MAP3K15: variants seen among roughly 807,000 people sequenced by gnomAD.
The protein encoded by MAP3K15 is MAPK/ERK kinase kinase 15.
In MAP3K15, 124 loss-of-function variants were observed where a neutral mutation model predicts 99.5. That is an observed-to-expected ratio of 1.25 (90% confidence interval 1.08 to 1.45). The LOEUF (loss-of-function observed/expected upper bound fraction) is 1.45, where lower values mean the gene tolerates loss of function less well. Ranked by LOEUF, MAP3K15 falls within the 40% of genes most tolerant of loss-of-function variation. MAP3K15 has a pLI of 0.00. For missense variants in MAP3K15, 1,242 were observed against 1,079.7 expected (o/e 1.15, Z -2.11); for synonymous variants, 494 against 439.6 (o/e 1.12, Z -1.55).
At chrX:19,466,093 A>G (rs1475990884) in intron 3 of MAP3K15, among the ~76,000 whole-genome samples, 1 of 110,738 alleles carries the variant, frequency 9.0e-6, no homozygotes, top group Non-Finnish European at 1.9e-5. Context: ...GGTTGGGATT[A>G]CAGGTGTGAG....
chrX:19,421,149 T>C (rs1261135995), intron 9 of MAP3K15, among the ~76,000 whole-genome samples: 1 of 110,407 alleles, frequency 9.1e-6, no homozygotes, highest in Non-Finnish European at 1.9e-5. Flanking sequence ...CTCTCACCGC[T>C]CCTATTCAAC....
Position 19,398,236 on chromosome X carries a change from T to C in MAP3K15, c.2056A>G (p.Arg686Gly). The change falls in exon 15 of 29, where the codon AGA becomes GGA. Residue 686 changes from arginine (R) to glycine (G), a missense_variant. Arg to Gly is a moderately radical substitution (Grantham distance 125). Transcript: ENST00000338883. Reference sequence around the variant, plus strand: ...CCCGCCTGGACTTGCCTGCTATCTCTCTCCGGGATTTCTTTGATGGCTATT... The same window carrying C: ...CCCGCCTGGACTTGCCTGCTATCTCCCTCCGGGATTTCTTTGATGGCTATT... ...VRIAIKEIPE[R>G]DSRYSQPLHE... is the part of the protein sequence containing the mutation. 1 of 1,211,006 alleles carries C rather than the reference T, an allele frequency of 8.3e-7. No homozygotes were observed. The highest frequency in any genetic ancestry group is 1.1e-6 in the Non-Finnish European group (1 of 895,321).
rs375809793 is a variant in MAP3K15, at chrX:19,399,333, C to T, written c.1933-974G>A. Among the ~76,000 whole-genome samples the T allele has an allele frequency of 1.4e-4, 15 of 111,079 alleles. No homozygotes were observed. In the East Asian group the frequency reaches 4.0e-3, roughly 30 times the overall value. ...ATCCCAGCACTTTGGGAGGCCGAGGCGAGTAGACCACCTGAGGTCAGGAAT... is the reference window on the plus strand; with the variant it reads ...ATCCCAGCACTTTGGGAGGCCGAGGTGAGTAGACCACCTGAGGTCAGGAAT... On this transcript the variant is annotated intron_variant, in intron 14 of 28. Coordinates refer to ENST00000338883, the MANE Select transcript of MAP3K15 (RefSeq NM_001001671.4).
intron 1 of MAP3K15, among the ~76,000 whole-genome samples, chrX:19,514,431 G>C (rs1172155081): frequency 2.1e-5 from 2 of 93,587 alleles, no homozygotes; most frequent in African/African-American, 8.1e-5. Flanking sequence ...GAGTCTAAAT[G>C]CCCGTGGCCT....
chrX:19,369,328 G>C, intron 24 of MAP3K15, 109 bp from the exon 25 acceptor site: 2 of 865,248 alleles, frequency 2.3e-6, no homozygotes, highest in Middle Eastern at 5.7e-4. Flanking sequence ...GGCCCAGCCC[G>C]TGCCATGCTC....
At chrX:19,437,538 G>A (rs2063930391) in intron 6 of MAP3K15, among the ~76,000 whole-genome samples, 1 of 111,530 alleles carries the variant, frequency 9.0e-6, no homozygotes. Flanking sequence ...ATGTTCCCTT[G>A]CCTCTTTCTG....
intron 3 of MAP3K15, among the ~76,000 whole-genome samples, chrX:19,477,033 T>C (rs1375133630): frequency 8.9e-6 from 1 of 112,065 alleles, no homozygotes. Context: ...TTCTGAAATA[T>C]CCTTAAATAA....
chrX:19,382,282 G>A (rs111590367), intron 18 of MAP3K15, among the ~76,000 whole-genome samples: 2 of 105,302 alleles, frequency 1.9e-5, no homozygotes, highest in Non-Finnish European at 3.9e-5. Context: ...AGCAAAGGGC[G>A]CACTGGCTAT....
chrX:19,431,320 A>G (rs2063879319), intron 7 of MAP3K15, 118 bp downstream of exon 7: 5 of 666,541 alleles, frequency 7.5e-6, no homozygotes, highest in Admixed American at 7.9e-5. Flanking sequence ...TTTACTACAA[A>G]TGTTTGCTCC....
At position 19,374,578 on chromosome X, in the gene MAP3K15, G is replaced by C. The variant is rs747977861; in HGVS notation, c.2672C>G (p.Pro891Arg). 1.3e-5 allele frequency: 16 copies of C among 1,209,623 alleles called. No individual in the cohort carries two copies. Among genetic ancestry groups the C allele is most frequent in the East Asian group, 5.9e-5 (2 of 33,734 alleles). Residue 891 changes from proline (P) to arginine (R), a missense_variant, in exon 20 of 29, where the codon CCT becomes CGT. By Grantham distance (103) the Pro-to-Arg change is moderately radical. Transcript: ENST00000338883. The part of the protein sequence containing the change: ...ARAFILSCFE[P>R]DPHKRATTAE... ...AGTGGTGGCACGTTTGTGGGGGTCA[G>C]GCTCGAAACAGGATAAAATGAAGGC...
intron 3 of MAP3K15, among the ~76,000 whole-genome samples, chrX:19,475,819 T>C (rs1172549133): frequency 2.7e-5 from 3 of 112,255 alleles, no homozygotes; most frequent in Non-Finnish European, 5.6e-5. Context: ...CTGTGGACTA[T>C]GTACGCTAAT....
At chrX:19,482,039 G>C (rs1435285526) in intron 3 of MAP3K15, 2 of 108,715 alleles carry the variant, frequency 1.8e-5, no homozygotes, top group African/African-American at 6.8e-5. Flanking sequence ...AATTAGCCAG[G>C]CGTGGTGGTG....
intron 1 of MAP3K15, among the ~76,000 whole-genome samples, chrX:19,507,678 AT>A (rs1158945833): frequency 9.4e-6 from 1 of 106,068 alleles, no homozygotes; most frequent in Admixed American, 1.0e-4. Flanking sequence ...GTGTCAACAT[AT>A]GTGTAAGTTC....
intron 3 of MAP3K15, among the ~76,000 whole-genome samples, chrX:19,472,226 A>AAATAATAATAATAAT (rs202068828): frequency 1.0e-5 from 1 of 97,460 alleles, no homozygotes; most frequent in African/African-American, 3.8e-5. Context: ...TCTGTCTCAA[A>AAATAATAATAATAAT]AATAATAATA....
At chrX:19,472,944 C>T (rs2064217571) in intron 3 of MAP3K15, among the ~76,000 whole-genome samples, 1 of 112,038 alleles carries the variant, frequency 8.9e-6, no homozygotes, top group African/African-American at 3.2e-5. Flanking sequence ...ATGGTAAATG[C>T]CATCACAAGT....
chrX:19,458,938 A>G lies in MAP3K15; in HGVS notation c.888+1047T>C, dbSNP rs1040040892. Among the ~76,000 whole-genome samples the G allele has an allele frequency of 2.3e-4, 26 of 111,686 alleles. No individual in the cohort carries two copies. In the Admixed American group the frequency reaches 2.5e-3, roughly 11 times the overall value. ...CCAAGACATCCTTAGAGATGGCTCA[A>G]TGGCATTCAACTTGGAGAGAGGAAA... On this transcript the variant is annotated intron_variant, in intron 5 of 28. Transcript: ENST00000338883.
Position 19,361,585 on chromosome X carries a change from CTG to C in MAP3K15, c.3686_3687del (p.Thr1229ArgfsTer13). The C allele has an allele frequency of 8.4e-7, 1 of 1,186,943 alleles. No individual in the cohort carries two copies. The highest frequency in any genetic ancestry group is 1.1e-6 in the Non-Finnish European group (1 of 875,052). ...LQLKLKSNCI[T>X]ENPAGPYGQR... ...TGCCCGTAGGGGCCTGCTGGGTTCT[CTG>C]TAATACCTGTAACGATTGGCAATTT... On this transcript the variant is annotated frameshift_variant, in exon 27 of 29. Coordinates refer to ENST00000338883, the MANE Select transcript of MAP3K15 (RefSeq NM_001001671.4). LOFTEE classifies it high-confidence loss of function.
intron 16 of MAP3K15, 58 bp from the exon 17 acceptor site, chrX:19,392,531 G>T: frequency 8.8e-7 from 1 of 1,141,469 alleles, no homozygotes; most frequent in Middle Eastern, 2.5e-4. Context: ...TAAAAGTTCA[G>T]GGAAATAAAG....
intron 1 of MAP3K15, among the ~76,000 whole-genome samples, chrX:19,507,575 CAAAAAAAAAAAAA>C (rs1165492097): frequency 0.025 from 275 of 10,883 alleles, 3 homozygotes; most frequent in African/African-American, 0.078. Flanking sequence ...CACCTTGTCT[CAAAAAAAAAAAAA>C]AAAAAAAAAA....
Sources: gnomAD v4.1 joint callset for allele counts (sites outside exome capture counted in the v4.1 genomes callset) on GRCh38, gnomAD v4.1.1 for gene constraint, MANE v1.5 for transcripts, NCBI Gene and HGNC (gene_info 2026-07-23, HGNC 2026-07-21) for gene names.